The following FNIP2 variants were observed in gnomAD, a reference collection of about 807,000 sequenced individuals.
The protein encoded by FNIP2 is folliculin-interacting protein 2.
A neutral mutation model predicts 108.7 loss-of-function variants in FNIP2; 32 were observed. That is an observed-to-expected ratio of 0.29 (90% confidence interval 0.22 to 0.40). The LOEUF is 0.40. FNIP2 is among the 10% of genes least tolerant of loss of function. The pLI, the probability that FNIP2 is intolerant of heterozygous loss-of-function variation, is 1.00. For synonymous variants in FNIP2, 480 were observed against 496.7 expected (o/e 0.97, Z 0.45); for missense variants, 1,202 against 1,381.6 (o/e 0.87, Z 2.06).
intron 8 of FNIP2, 72 bp downstream of exon 8, chr4:158,851,522 G>C: frequency 6.4e-7 from 1 of 1,574,378 alleles, no homozygotes; most frequent in Non-Finnish European, 8.7e-7. Context: ...CAGGGAGGCT[G>C]TTCGTGCCTA....
chr4:158,851,706 G>A (rs370571120), intron 8 of FNIP2, among the ~76,000 whole-genome samples: 2 of 152,184 alleles, frequency 1.3e-5, no homozygotes, highest in East Asian at 1.9e-4. Context: ...TAGATTGGGT[G>A]TTCATTTAAA....
chr4:158,847,761 G>A (rs1008054692), intron 7 of FNIP2, among the ~76,000 whole-genome samples: 1 of 152,170 alleles, frequency 6.6e-6, no homozygotes, highest in Admixed American at 6.5e-5. Context: ...GGCCAGAGGG[G>A]ACCCCACTGC....
chr4:158,771,010 T>G (rs1052255211), intron 1 of FNIP2, among the ~76,000 whole-genome samples: 9 of 152,250 alleles, frequency 5.9e-5, no homozygotes, highest in African/African-American at 1.9e-4. Flanking sequence ...TTTAGGGTTT[T>G]GGGCCATATT....
intron 10 of FNIP2, among the ~76,000 whole-genome samples, chr4:158,860,737 A>T (rs529737620): frequency 6.7e-6 from 1 of 149,110 alleles, no homozygotes; most frequent in South Asian, 2.1e-4. Flanking sequence ...GCTCGCTGCA[A>T]CCTTCACCTC....
chr4:158,812,346 C>T lies in FNIP2; in HGVS notation c.108-13570C>T, dbSNP rs187686829. Among the ~76,000 whole-genome samples the T allele has an allele frequency of 4.7e-4, 71 of 151,962 alleles. No homozygotes were observed. In the East Asian group the frequency reaches 6.4e-3, roughly 14 times the overall value. ...GAGGACTGACCCTCCTTTTTCCAGCCGGGTAGATAGAACAAGGAGGAGACG... is the reference window on the plus strand; with the variant it reads ...GAGGACTGACCCTCCTTTTTCCAGCTGGGTAGATAGAACAAGGAGGAGACG... On this transcript the variant is annotated intron_variant, in intron 1 of 16. Coordinates refer to ENST00000264433, the MANE Select transcript of FNIP2 (RefSeq NM_020840.3).
At chr4:158,826,134 GTTATA>G (rs1778142636) in intron 2 of FNIP2, 92 bp downstream of exon 2, 2 of 1,481,056 alleles carry the variant, frequency 1.4e-6, no homozygotes, top group South Asian at 1.3e-5. Context: ...TTCTCTTTGA[GTTATA>G]TTATACAGTG....
chr4:158,869,034 GGCA>G lies in FNIP2; in HGVS notation c.2403_2405del (p.Ser801del). On this transcript the variant is annotated inframe_deletion, in exon 13 of 17. Coordinates refer to ENST00000264433, the MANE Select transcript of FNIP2 (RefSeq NM_020840.3). Reference sequence around the variant, plus strand: ...TGACAAGGGTTTTGCAGAGGACAGAGGCAGCAGAAACGACATGGCAGCAGATAT... The same window carrying G: ...TGACAAGGGTTTTGCAGAGGACAGAGGCAGAAACGACATGGCAGCAGATAT... 1.9e-6 allele frequency: 3 copies of G among 1,614,054 alleles called. No individual in the cohort carries two copies. Among genetic ancestry groups the G allele is most frequent in the Non-Finnish European group, 2.5e-6 (3 of 1,179,900 alleles).
At chr4:158,782,964 T>A (rs1399183221) in intron 1 of FNIP2, among the ~76,000 whole-genome samples, 1 of 152,260 alleles carries the variant, frequency 6.6e-6, no homozygotes, top group East Asian at 1.9e-4. Flanking sequence ...AATTTGTTCA[T>A]CATTTTGTCT....
rs1488393574 is a variant in FNIP2 at position 158,896,403 on chromosome 4, G to A, written c.3266+538G>A. On this transcript the variant is annotated intron_variant, in intron 16 of 16. Coordinates refer to ENST00000264433, the MANE Select transcript of FNIP2 (RefSeq NM_020840.3). ...CTAAAAATGCCTATCATCCTCCAGAGGGTATTTGCTATAACTTCTCTAGGG... is the reference window on the plus strand; with the variant it reads ...CTAAAAATGCCTATCATCCTCCAGAAGGTATTTGCTATAACTTCTCTAGGG... Among the ~76,000 whole-genome samples the A allele has an allele frequency of 2.0e-5, 3 of 152,232 alleles. No homozygotes were observed. In the South Asian group the frequency reaches 6.2e-4, roughly 32 times the overall value.
chr4:158,899,621 T>C (rs1783020065), intron 16 of FNIP2, among the ~76,000 whole-genome samples: 1 of 152,248 alleles, frequency 6.6e-6, no homozygotes, highest in South Asian at 2.1e-4. Context: ...CTTCTAGATT[T>C]TCTAGTTTAT....
intron 7 of FNIP2, among the ~76,000 whole-genome samples, chr4:158,848,189 G>A (rs1578908356): frequency 6.6e-6 from 1 of 152,198 alleles, no homozygotes; most frequent in Non-Finnish European, 1.5e-5. Flanking sequence ...GCAATACCCA[G>A]TGCTGTGCTG....
chr4:158,862,539 T>G (rs1780354949), intron 12 of FNIP2, among the ~76,000 whole-genome samples: 1 of 152,174 alleles, frequency 6.6e-6, no homozygotes, highest in Admixed American at 6.6e-5. Context: ...TTAACAAATA[T>G]AAAATTACAA....
At chr4:158,838,229 CTTTTTTT>C (rs550985480) in intron 7 of FNIP2, among the ~76,000 whole-genome samples, 9 of 117,618 alleles carry the variant, frequency 7.7e-5, no homozygotes, top group Non-Finnish European at 1.5e-4. Flanking sequence ...TTTAGGCCTG[CTTTTTTT>C]TTTTTTTTTT....
chr4:158,769,129 C>T lies in FNIP2; in HGVS notation c.-84C>T. 1 of 517,524 alleles carries T rather than the reference C, an allele frequency of 1.9e-6. No individual in the cohort carries two copies. The highest frequency in any genetic ancestry group is 2.5e-6 in the Non-Finnish European group (1 of 404,750). 32.1% of individuals were successfully genotyped at this position (517,524 alleles called of 1,614,324 possible). ...TGGGCGGCCGCGCCGCCGCGATGGC[C>T]CCGCCACCGCGGCCGCCGCCCCCGG... On this transcript the variant is annotated 5_prime_UTR_variant, in exon 1 of 17. Transcript: ENST00000264433.
rs146870164 is a variant in FNIP2, at chr4:158,803,121, C to T, written c.108-22795C>T. Among the ~76,000 whole-genome samples the T allele has an allele frequency of 1.3e-3, 192 of 152,178 alleles. 1 individual carries two copies. Among genetic ancestry groups the T allele is most frequent in the Non-Finnish European group, 2.2e-3 (147 of 68,012 alleles). Reference sequence around the variant, plus strand: ...AGTTCCAGTCAACAACCTATTGAACCGCATGTGGAATGTGGGAGTCTAGTC... The same window carrying T: ...AGTTCCAGTCAACAACCTATTGAACTGCATGTGGAATGTGGGAGTCTAGTC... On this transcript the variant is annotated intron_variant, in intron 1 of 16. Transcript: ENST00000264433.
intron 1 of FNIP2, among the ~76,000 whole-genome samples, chr4:158,823,539 A>C (rs974028580): frequency 2.0e-5 from 3 of 152,238 alleles, no homozygotes; most frequent in African/African-American, 7.2e-5. Flanking sequence ...GCCTTGTGTA[A>C]TTTTAAAATT....
intron 14 of FNIP2, among the ~76,000 whole-genome samples, chr4:158,872,898 C>T (rs1055803456): frequency 1.3e-5 from 2 of 152,006 alleles, no homozygotes; most frequent in Non-Finnish European, 2.9e-5. Flanking sequence ...GAAAAAGAAG[C>T]AGAGATCCAA....
chr4:158,868,447 G>A lies in FNIP2; in HGVS notation c.1811G>A (p.Gly604Asp). Residue 604 changes from glycine to aspartate, a missense_variant, in exon 13 of 17, where the codon GGC (glycine) becomes GAC (aspartate). Gly to Asp is a moderately conservative substitution (Grantham distance 94, BLOSUM62 -1). This residue lies in a region of FNIP2 where 878 missense variants were observed against 990.3 expected (regional missense o/e 0.89). Transcript: ENST00000264433. This position sits in a 1 kb window ranked among gnomAD's most constrained non-coding sequence, Gnocchi z 4.6. Reference protein sequence around the residue: ...WPTGFPECPEGTDSRDLGLKP... With the variant: ...WPTGFPECPEDTDSRDLGLKP... ...ACAGGGTTTCCTGAGTGCCCAGAGG[G>A]CACTGACAGTAGAGACCTGGGTCTT... 1 of 1,614,044 alleles carries A rather than the reference G, an allele frequency of 6.2e-7. No individual in the cohort carries two copies. The highest frequency in any genetic ancestry group is 8.5e-7 in the Non-Finnish European group (1 of 1,179,892).
chr4:158,880,545 C>A (rs1781534084), intron 14 of FNIP2, among the ~76,000 whole-genome samples: 2 of 152,098 alleles, frequency 1.3e-5, no homozygotes, highest in South Asian at 4.1e-4. Flanking sequence ...ACATATGTAA[C>A]AAACCTGCAC....
Sources: gnomAD v4.1 joint callset for allele counts (sites outside exome capture counted in the v4.1 genomes callset) on GRCh38, gnomAD v4.1.1 for gene constraint, gnomAD v4.1.1 regional missense constraint, Gnocchi (gnomAD v3.1) non-coding constraint, MANE v1.5 for transcripts, NCBI Gene and HGNC (gene_info 2026-07-23, HGNC 2026-07-21) for gene names.